MPP7: variants seen among roughly 807,000 people sequenced by gnomAD.
MPP7 encodes MAGUK p55 subfamily member 7.
A neutral mutation model predicts 76.5 loss-of-function variants in MPP7; 60 were observed. The ratio of observed to expected loss-of-function variants is 0.78; its 90% CI spans 0.64 to 0.97. The LOEUF (loss-of-function observed/expected upper bound fraction) is 0.97, where lower values mean the gene tolerates loss of function less well. Among genes scored for constraint, MPP7 ranks in the 50% least tolerant of loss-of-function variants. The pLI, the probability that MPP7 is intolerant of heterozygous loss-of-function variation, is 0.00. For synonymous variants in MPP7, 237 were observed against 244.5 expected, an observed-to-expected ratio of 0.97 and a Z score of 0.29; for missense variants, 641 against 694.0, an observed-to-expected ratio of 0.92 and a Z score of 0.86.
In MPP7 at chr10:28,202,264, A is replaced by AT. The variant is rs1185849100; in HGVS notation, c.44dup (p.Tyr15Ter). ...STGSGSDTGLYELLAALPAQL... is the reference protein window; with the variant it reads ...STGSGSDTGL Reference sequence around the variant, plus strand: ...GGGCTGGCAGAGCAGCCAACAGCTCATACAGACCTATAAAATGAAAATAAA... The same window carrying AT: ...GGGCTGGCAGAGCAGCCAACAGCTCATTACAGACCTATAAAATGAAAATAAA... The change falls in exon 3 of 17, where the codon TAT becomes TAAT. Residue 15 changes from tyrosine (Y) to a stop codon, truncating the protein, a stop_gained and frameshift_variant. Transcript: ENST00000683449. LOFTEE classifies it high-confidence loss of function. The AT allele has an allele frequency of 6.2e-7, 1 of 1,605,012 alleles. No homozygotes were observed. Among genetic ancestry groups the AT allele is most frequent in the African/African-American group, 1.3e-5 (1 of 74,606 alleles).
chr10:28,333,003 C>T (rs1487971210), intron 1 of MPP7, among the ~76,000 whole-genome samples: 1 of 152,024 alleles, frequency 6.6e-6, no homozygotes, highest in African/African-American at 2.4e-5. Flanking sequence ...AAGTGTCCAA[C>T]AGCTGATACA....
chr10:28,322,434 T>C (rs1177265118), intron 2 of MPP7, among the ~76,000 whole-genome samples: 2 of 152,144 alleles, frequency 1.3e-5, no homozygotes, highest in Non-Finnish European at 2.9e-5. Flanking sequence ...GATCAGAAGA[T>C]TTGCACAAAA....
chr10:28,306,664 T>TAGAGAGAGAGAG (rs772241963), upstream of MPP7, among the ~76,000 whole-genome samples: 78 of 41,258 alleles, frequency 1.9e-3, no homozygotes, highest in East Asian at 4.3e-3. Context: ...AGATGATAGA[T>TAGAGAGAGAGAG]AGATAGAGAG....
At chr10:28,244,997 T>C (rs1433260244) in intron 1 of MPP7, among the ~76,000 whole-genome samples, 1 of 152,186 alleles carries the variant, frequency 6.6e-6, no homozygotes, top group Non-Finnish European at 1.5e-5. Context: ...GCAGCATTTA[T>C]AGTGTTGGCA....
chr10:28,175,622 T>C (rs1398323524), intron 3 of MPP7, among the ~76,000 whole-genome samples: 1 of 151,864 alleles, frequency 6.6e-6, no homozygotes, highest in Admixed American at 6.6e-5. Context: ...AAGAAAGTTA[T>C]ATTGACACCA....
intron 3 of MPP7, 138 bp from the exon 4 acceptor site, chr10:28,150,197 AAT>A (rs1835838524): frequency 3.2e-6 from 2 of 631,588 alleles, no homozygotes; most frequent in African/African-American, 3.7e-5. Flanking sequence ...ACACACATGT[AAT>A]ATGTTTGTAC....
Position 28,053,826 on chromosome 10 carries a change from G to T in MPP7, c.*239C>A. Reference sequence around the variant, plus strand: ...GAGATAGAGCGGTATTGAAGACAACGAGAAGGTTTGAGGTTTTGCTTAGAA... The same window carrying T: ...GAGATAGAGCGGTATTGAAGACAACTAGAAGGTTTGAGGTTTTGCTTAGAA... On this transcript the variant is annotated 3_prime_UTR_variant, in exon 17 of 17. Transcript: ENST00000683449. 2.1e-6 allele frequency: 1 copy of T among 487,134 alleles called. No homozygotes were observed. Among genetic ancestry groups the T allele is most frequent in the Non-Finnish European group, 3.6e-6 (1 of 279,344 alleles). The allele number at this position is 487,134 out of a possible 1,614,324, so 30.2% of individuals were successfully genotyped here.
chr10:28,273,061 C>T (rs1382051204), intron 1 of MPP7, among the ~76,000 whole-genome samples: 1 of 152,126 alleles, frequency 6.6e-6, no homozygotes, highest in Non-Finnish European at 1.5e-5. Context: ...GGATTACAGG[C>T]ACACACCACC....
At chr10:28,214,271 A>T (rs1483292314) in intron 2 of MPP7, among the ~76,000 whole-genome samples, 1 of 152,210 alleles carries the variant, frequency 6.6e-6, no homozygotes, top group African/African-American at 2.4e-5. Context: ...TTACAACTGT[A>T]TCCAGGAAAC....
intron 5 of MPP7, among the ~76,000 whole-genome samples, chr10:28,146,112 T>G (rs1380308068): frequency 6.6e-6 from 1 of 152,192 alleles, no homozygotes; most frequent in Non-Finnish European, 1.5e-5. Flanking sequence ...GATACTAACT[T>G]CTCAGGTGCA....
chr10:28,201,541 T>G (rs1013851738), intron 3 of MPP7, among the ~76,000 whole-genome samples: 11 of 152,182 alleles, frequency 7.2e-5, no homozygotes, highest in Non-Finnish European at 1.0e-4. Flanking sequence ...TTAGGAGTTC[T>G]GATCACTCCC....
chr10:28,234,707 G>A (rs564121058), intron 2 of MPP7, among the ~76,000 whole-genome samples: 2 of 152,294 alleles, frequency 1.3e-5, no homozygotes, highest in East Asian at 3.9e-4. Flanking sequence ...CAAATTCCAG[G>A]AGAGGGGAAT....
intron 5 of MPP7, among the ~76,000 whole-genome samples, chr10:28,147,202 G>A (rs553988460): frequency 7.9e-5 from 12 of 152,308 alleles, no homozygotes; most frequent in Non-Finnish European, 1.2e-4. Context: ...AGTAGGTTCT[G>A]TATAGTGTAC....
At chr10:28,271,516 C>A (rs1840324899) in intron 1 of MPP7, among the ~76,000 whole-genome samples, 2 of 152,178 alleles carry the variant, frequency 1.3e-5, no homozygotes, top group African/African-American at 4.8e-5. Context: ...ATCCTTCAGG[C>A]ACTCCTCCCT....
At chr10:28,120,071 C>T (rs2133606892) in intron 10 of MPP7, 123 bp downstream of exon 10, 1 of 1,050,410 alleles carries the variant, frequency 9.5e-7, no homozygotes, top group Non-Finnish European at 1.4e-6. Context: ...TCCAAACCCA[C>T]AGGATAAAAA....
intron 2 of MPP7, among the ~76,000 whole-genome samples, chr10:28,229,246 C>G (rs1411925972): frequency 2.0e-5 from 3 of 152,050 alleles, no homozygotes; most frequent in African/African-American, 7.2e-5. Flanking sequence ...GAGAAAGAAG[C>G]CAGATTACTT....
At chr10:28,139,088 A>G (rs567753790) in intron 5 of MPP7, among the ~76,000 whole-genome samples, 1 of 152,306 alleles carries the variant, frequency 6.6e-6, no homozygotes, top group Non-Finnish European at 1.5e-5. Flanking sequence ...ATAACAAAAA[A>G]CAAAAGAAAC....
chr10:28,193,462 C>T (rs867200995), intron 3 of MPP7, among the ~76,000 whole-genome samples: 3 of 152,102 alleles, frequency 2.0e-5, no homozygotes, highest in Admixed American at 1.3e-4. Flanking sequence ...CCGCCCGCCT[C>T]GGCCTCCCAA....
intron 1 of MPP7, among the ~76,000 whole-genome samples, chr10:28,239,218 C>T (rs1016302606): frequency 6.6e-6 from 1 of 151,324 alleles, no homozygotes; most frequent in Non-Finnish European, 1.5e-5. Context: ...GATCTGGGCT[C>T]ACTGCAACCT....
Sources: gnomAD v4.1 joint callset for allele counts (sites outside exome capture counted in the v4.1 genomes callset) on GRCh38, gnomAD v4.1.1 for gene constraint, MANE v1.5 for transcripts, NCBI Gene and HGNC (gene_info 2026-07-23, HGNC 2026-07-21) for gene names.